The following SLC60A2 variants were observed in gnomAD, a reference collection of about 807,000 sequenced individuals.
The protein encoded by SLC60A2 is solute carrier family 60 member 2, also known as major facilitator superfamily domain containing 4B.
the SLC60A2 span, chr6:111,263,752 G>A: frequency 1.4e-6 from 1 of 728,612 alleles, no homozygotes; most frequent in African/African-American, 1.7e-5. Flanking sequence ...GATTTTGCAT[G>A]TTTGGACATT....
the SLC60A2 span, chr6:111,266,456 T>G: frequency 1.2e-5 from 20 of 1,614,238 alleles, no homozygotes; most frequent in South Asian, 2.2e-5. Flanking sequence ...GAACCATGAT[T>G]GTGTTGAGCA....
the SLC60A2 span, among the ~76,000 whole-genome samples, chr6:111,274,832 T>G: frequency 6.6e-6 from 1 of 152,220 alleles, no homozygotes; most frequent in Admixed American, 6.5e-5. Flanking sequence ...AATTATGTCT[T>G]GTCTTATTCT....
chr6:111,259,650 T>C, the SLC60A2 span: 312 of 1,561,224 alleles, frequency 2.0e-4, 2 homozygotes, highest in South Asian at 3.2e-3. Context: ...GGTGGTGGTC[T>C]CCTGGCAGAG....
chr6:111,266,878 A>G, the SLC60A2 span: 1 of 1,614,008 alleles, frequency 6.2e-7, no homozygotes, highest in Non-Finnish European at 8.5e-7. Context: ...GAATATGAGG[A>G]AGAGAATGAA....
the SLC60A2 span, among the ~76,000 whole-genome samples, chr6:111,261,248 G>A: frequency 6.6e-6 from 1 of 152,100 alleles, no homozygotes; most frequent in Non-Finnish European, 1.5e-5. Context: ...ATAGTTCAGG[G>A]GAAGGACTCC....
chr6:111,273,175 G>A, the SLC60A2 span, among the ~76,000 whole-genome samples: 2 of 151,934 alleles, frequency 1.3e-5, no homozygotes, highest in African/African-American at 4.8e-5. Context: ...TTTTGAGTTA[G>A]GGTCTTGCTC....
chr6:111,265,702 G>A, the SLC60A2 span, among the ~76,000 whole-genome samples: 1 of 152,156 alleles, frequency 6.6e-6, no homozygotes, highest in Non-Finnish European at 1.5e-5. Flanking sequence ...TCTGGTGGTA[G>A]TGGGTTAGAA....
At chr6:111,268,103 G>A in the SLC60A2 span, 1 of 152,212 alleles carries the variant, frequency 6.6e-6, no homozygotes, top group Non-Finnish European at 1.5e-5. Flanking sequence ...ATGTCTGCTA[G>A]AAATTAGTAC....
the SLC60A2 span, chr6:111,266,831 G>A: frequency 1.7e-5 from 28 of 1,613,736 alleles, no homozygotes; most frequent in Non-Finnish European, 2.3e-5. Context: ...GAAAGAGTGA[G>A]GACCAGAAAG....
the SLC60A2 span, among the ~76,000 whole-genome samples, chr6:111,273,113 A>G: frequency 6.6e-6 from 1 of 152,148 alleles, no homozygotes; most frequent in Non-Finnish European, 1.5e-5. Flanking sequence ...ATCAGAAATG[A>G]TTATATTTTG....
At chr6:111,276,625 T>C in the SLC60A2 span, among the ~76,000 whole-genome samples, 1 of 152,212 alleles carries the variant, frequency 6.6e-6, no homozygotes, top group African/African-American at 2.4e-5. Flanking sequence ...ATTAATGAAC[T>C]TTCTTTTTTG....
At chr6:111,261,922 T>C in the SLC60A2 span, among the ~76,000 whole-genome samples, 2,809 of 152,280 alleles carry the variant, frequency 0.018, 34 homozygotes, top group South Asian at 0.061. Context: ...AAATTCTTAT[T>C]TGTGCATGTA....
chr6:111,276,448 G>A, the SLC60A2 span, among the ~76,000 whole-genome samples: 1 of 152,052 alleles, frequency 6.6e-6, no homozygotes, highest in Non-Finnish European at 1.5e-5. Flanking sequence ...CAGACTTTAG[G>A]CGCATTATGA....
chr6:111,273,450 A>AGATTCTTGATATGATTTT, the SLC60A2 span, among the ~76,000 whole-genome samples: 28 of 151,844 alleles, frequency 1.8e-4, no homozygotes, highest in African/African-American at 6.5e-4. Flanking sequence ...CAGCCAGAAA[A>AGATTCTTGATATGATTTT]GATTCTTGAT....
the SLC60A2 span, chr6:111,266,426 T>G: frequency 6.2e-7 from 1 of 1,614,224 alleles, no homozygotes; most frequent in Non-Finnish European, 8.5e-7. Context: ...CAATCTTTTT[T>G]GCTACCTGTT....
chr6:111,274,607 T>A, the SLC60A2 span, among the ~76,000 whole-genome samples: 9 of 145,190 alleles, frequency 6.2e-5, no homozygotes, highest in Non-Finnish European at 4.6e-5. Context: ...TTCCTCTCAA[T>A]GTTTATCACT....
the SLC60A2 span, among the ~76,000 whole-genome samples, chr6:111,278,894 G>A: frequency 2.0e-5 from 3 of 152,146 alleles, no homozygotes; most frequent in Admixed American, 2.0e-4. Context: ...GAGGACCCAA[G>A]GGAAAAACGT....
the SLC60A2 span, chr6:111,264,028 C>A: frequency 4.3e-6 from 3 of 692,256 alleles, no homozygotes; most frequent in Admixed American, 4.3e-5. Context: ...CTGTCACTTG[C>A]AATGCCCCCT....
At chr6:111,270,842 C>CA in the SLC60A2 span, 1,511 of 119,926 alleles carry the variant, frequency 0.013, 14 homozygotes, top group African/African-American at 0.031. Flanking sequence ...GAGACTGTCT[C>CA]AAAAAAAAAA....
Sources: gnomAD v4.1 joint callset for allele counts (sites outside exome capture counted in the v4.1 genomes callset) on GRCh38, gnomAD v4.1.1 for gene constraint, MANE v1.5 for transcripts, NCBI Gene and HGNC (gene_info 2026-07-23, HGNC 2026-07-21) for gene names.